CSRNP3: variants seen among roughly 807,000 people sequenced by gnomAD.
CSRNP3 encodes the protein cysteine and serine rich nuclear protein 3.
A neutral mutation model predicts 48.0 loss-of-function variants in CSRNP3; 12 were observed. The observed-to-expected ratio is 0.25, with a 90% CI of 0.16 to 0.41. The LOEUF is 0.41. Among genes scored for constraint, CSRNP3 ranks in the 10% least tolerant of loss-of-function variants. CSRNP3 has a pLI of 1.00. For missense variants in CSRNP3, 580 were observed against 724.4 expected (o/e 0.80, Z 2.29); for synonymous variants, 263 against 269.7 (o/e 0.98, Z 0.24).
At chr2:165,666,726 G>A (rs1687219730) in intron 5 of CSRNP3, among the ~76,000 whole-genome samples, 1 of 134,454 alleles carries the variant, frequency 7.4e-6, no homozygotes, top group African/African-American at 2.8e-5. Context: ...GAAAGAGAGA[G>A]GAAAACAGAA....
intron 3 of CSRNP3, among the ~76,000 whole-genome samples, chr2:165,568,918 A>G (rs1685333327): frequency 6.6e-6 from 1 of 152,120 alleles, no homozygotes; most frequent in African/African-American, 2.4e-5. Context: ...TTTAGCAGAT[A>G]TATTGAAAAT....
At chr2:165,633,683 G>A (rs947349812) in intron 4 of CSRNP3, among the ~76,000 whole-genome samples, 1 of 152,170 alleles carries the variant, frequency 6.6e-6, no homozygotes, top group Non-Finnish European at 1.5e-5. Flanking sequence ...GAATACTAGG[G>A]CTGCATCTTA....
chr2:165,612,284 G>A (rs1195721220), intron 4 of CSRNP3, among the ~76,000 whole-genome samples: 1 of 151,966 alleles, frequency 6.6e-6, no homozygotes, highest in East Asian at 1.9e-4. Flanking sequence ...GTGTGCAAAA[G>A]AGTACTATAT....
At chr2:165,616,387 A>G (rs1304143963) in intron 4 of CSRNP3, among the ~76,000 whole-genome samples, 1 of 151,952 alleles carries the variant, frequency 6.6e-6, no homozygotes, top group African/African-American at 2.4e-5. Flanking sequence ...ATGTATTTTT[A>G]TGATGGTAGA....
chr2:165,520,237 A>G (rs535817557), intron 3 of CSRNP3, among the ~76,000 whole-genome samples: 4 of 152,236 alleles, frequency 2.6e-5, no homozygotes, highest in Admixed American at 6.5e-5. Flanking sequence ...GGGTTTTTTT[A>G]TGGTAATCTG....
intron 3 of CSRNP3, among the ~76,000 whole-genome samples, chr2:165,529,441 A>G (rs976226655): frequency 6.6e-6 from 1 of 152,122 alleles, no homozygotes; most frequent in African/African-American, 2.4e-5. Flanking sequence ...CCCTCTTGCC[A>G]CCACCAGGTA....
At chr2:165,625,760 C>G (rs1259134148) in intron 4 of CSRNP3, among the ~76,000 whole-genome samples, 5 of 150,896 alleles carry the variant, frequency 3.3e-5, no homozygotes, top group African/African-American at 1.2e-4. Flanking sequence ...TGGTAAAACC[C>G]TGTCTCTACT....
chr2:165,614,740 T>C (rs1686202498), intron 4 of CSRNP3, among the ~76,000 whole-genome samples: 1 of 152,202 alleles, frequency 6.6e-6, no homozygotes, highest in Non-Finnish European at 1.5e-5. Flanking sequence ...TATTGATTTG[T>C]GTGTGTTGAT....
intron 3 of CSRNP3, among the ~76,000 whole-genome samples, chr2:165,556,931 G>A (rs1439221917): frequency 6.6e-6 from 1 of 152,132 alleles, no homozygotes; most frequent in Non-Finnish European, 1.5e-5. Flanking sequence ...AGCTCTAATT[G>A]ACTAACTTAT....
At chr2:165,637,695 A>C in intron 4 of CSRNP3, among the ~76,000 whole-genome samples, 1 of 152,246 alleles carries the variant, frequency 6.6e-6, no homozygotes, top group South Asian at 2.1e-4. Context: ...CATTTCATGA[A>C]TGCATTAAAC....
chr2:165,482,969 C>T (rs1266757578), intron 1 of CSRNP3, among the ~76,000 whole-genome samples: 1 of 151,828 alleles, frequency 6.6e-6, no homozygotes, highest in Non-Finnish European at 1.5e-5. Flanking sequence ...TGATTATATC[C>T]AAGCTATTTA....
At chr2:165,673,173 T>C (rs1687360221) in intron 5 of CSRNP3, among the ~76,000 whole-genome samples, 1 of 126,786 alleles carries the variant, frequency 7.9e-6, no homozygotes, top group African/African-American at 2.9e-5. Flanking sequence ...GGCATCACTC[T>C]GTCACTCAGG....
intron 1 of CSRNP3, among the ~76,000 whole-genome samples, chr2:165,486,219 T>A (rs150229290): frequency 0.016 from 2,399 of 151,854 alleles, 59 homozygotes; most frequent in African/African-American, 0.054. Context: ...TCCCACCCGA[T>A]TATTGCGCTT....
At chr2:165,599,945 T>A (rs917621359) in intron 4 of CSRNP3, among the ~76,000 whole-genome samples, 3 of 140,590 alleles carry the variant, frequency 2.1e-5, no homozygotes, top group African/African-American at 7.9e-5. Context: ...TTTTTTTTTT[T>A]ATTATACTTT....
chr2:165,612,641 T>G (rs1159436472), intron 4 of CSRNP3, among the ~76,000 whole-genome samples: 1 of 151,968 alleles, frequency 6.6e-6, no homozygotes, highest in African/African-American at 2.4e-5. Context: ...AGCCCAAATT[T>G]TTTTTAGCTC....
At chr2:165,561,208 C>T (rs1324473292) in intron 3 of CSRNP3, among the ~76,000 whole-genome samples, 1 of 152,132 alleles carries the variant, frequency 6.6e-6, no homozygotes, top group African/African-American at 2.4e-5. Context: ...CACTTGAAAT[C>T]TTTATGCCTT....
intron 3 of CSRNP3, among the ~76,000 whole-genome samples, chr2:165,561,151 A>G (rs969490692): frequency 6.6e-6 from 1 of 152,230 alleles, no homozygotes; most frequent in African/African-American, 2.4e-5. Context: ...ATAAAAAGTC[A>G]GAATACTTGA....
intron 3 of CSRNP3, among the ~76,000 whole-genome samples, chr2:165,584,594 A>G (rs1558941263): frequency 6.6e-6 from 1 of 152,200 alleles, no homozygotes; most frequent in Non-Finnish European, 1.5e-5. Flanking sequence ...ATGAGAGTGC[A>G]ATGAGTAAGA....
chr2:165,677,872 G>T (rs1340022086), intron 6 of CSRNP3, among the ~76,000 whole-genome samples: 1 of 152,278 alleles, frequency 6.6e-6, no homozygotes, highest in African/African-American at 2.4e-5. Flanking sequence ...TCCAACACTT[G>T]TTGAACCCAA....
Sources: gnomAD v4.1 joint callset for allele counts (sites outside exome capture counted in the v4.1 genomes callset) on GRCh38, gnomAD v4.1.1 for gene constraint, MANE v1.5 for transcripts, NCBI Gene and HGNC (gene_info 2026-07-23, HGNC 2026-07-21) for gene names.